PTPRN: variants seen among roughly 807,000 people sequenced by gnomAD.
The protein encoded by PTPRN is protein tyrosine phosphatase receptor type N.
In PTPRN, 70 loss-of-function variants were observed where a neutral mutation model predicts 108.5. That is an observed-to-expected ratio of 0.65 (90% CI 0.53 to 0.79). PTPRN has a LOEUF of 0.79. Ranked by LOEUF, PTPRN falls within the 30% of genes least tolerant of loss-of-function variation. The probability of loss-of-function intolerance (pLI) is 0.00; values close to 1 mark genes in which losing one functional copy is unlikely to be tolerated. For missense variants in PTPRN, 1,136 were observed against 1,295.5 expected (o/e 0.88, Z 1.89); for synonymous variants, 496 against 524.6 (o/e 0.95, Z 0.75).
Position 219,297,781 on chromosome 2 carries a change from T to A in PTPRN, c.1887+104A>T, listed in dbSNP as rs956886117. 40 of 1,335,980 alleles carry A rather than the reference T, an allele frequency of 3.0e-5. No homozygotes were observed. The African/African-American group carries it at 5.4e-4, about 18-fold the overall frequency. The allele number at this position is 1,335,980 out of a possible 1,614,324, so 82.8% of individuals were successfully genotyped here. A position where few individuals can be genotyped will look rare whatever the true frequency, so the allele number is the denominator to read the frequency against. On this transcript the variant is annotated intron_variant, in intron 13 of 22. Coordinates refer to ENST00000295718, the MANE Select transcript of PTPRN (RefSeq NM_002846.4). The surrounding 1 kb of genome is among the most constrained non-coding windows in gnomAD (Gnocchi z 6.0). ...AGCCTCCACTGGACCTTCCCAGGGA[T>A]GAGGGCTCACTCCCCATTCAGTTCC...
At chr2:219,305,135 C>T (rs1450367889) in intron 3 of PTPRN, among the ~76,000 whole-genome samples, 2 of 152,136 alleles carry the variant, frequency 1.3e-5, no homozygotes, top group Non-Finnish European at 2.9e-5. Context: ...TACACTTTCT[C>T]CTGGCTTCTG....
intron 3 of PTPRN, among the ~76,000 whole-genome samples, chr2:219,306,018 C>T (rs977348241): frequency 2.6e-5 from 4 of 152,050 alleles, no homozygotes; most frequent in Admixed American, 1.3e-4. Context: ...GGCATGGTGG[C>T]GCGCACATGT....
rs191243830 is a variant in PTPRN at position 219,299,418 on chromosome 2, A to T, written c.1524-34T>A. 3.7e-4 allele frequency: 591 copies of T among 1,601,944 alleles called. 3 individuals carry two copies. In the East Asian group the frequency reaches 8.3e-3, roughly 22 times the overall value. On this transcript the variant is annotated intron_variant, in intron 10 of 22. Coordinates refer to ENST00000295718, the MANE Select transcript of PTPRN (RefSeq NM_002846.4). ...TAGGAGCTATGTTACTGCCTTCTCCACCCCAGACCGCAGACTTCAAAAAAG... is the reference window on the plus strand; with the variant it reads ...TAGGAGCTATGTTACTGCCTTCTCCTCCCCAGACCGCAGACTTCAAAAAAG...
At position 219,299,119 on chromosome 2, in the gene PTPRN, G is replaced by A; in HGVS notation, c.1604-8C>T. 5.6e-6 allele frequency: 9 copies of A among 1,614,248 alleles called. No homozygotes were observed. Among genetic ancestry groups the A allele is most frequent in the Non-Finnish European group, 6.8e-6 (8 of 1,180,042 alleles). ...GTTCAGACTTCACCAGCCCTGCAGG[G>A]AGGACAAAGGTCAGGCTTGCTCCAG... is the stretch of plus-strand genomic sequence containing the variant. On this transcript the variant is annotated splice_region_variant and splice_polypyrimidine_tract_variant and intron_variant, in intron 11 of 22. Transcript: ENST00000295718.
rs934954995 is a variant in PTPRN, at chr2:219,302,683, C to T, written c.532G>A (p.Ala178Thr). 6.2e-7 allele frequency: 1 copy of T among 1,613,144 alleles called. No homozygotes were observed. Among genetic ancestry groups the T allele is most frequent in the Non-Finnish European group, 8.5e-7 (1 of 1,179,824 alleles). ...TCCAAGAGAGGCGGGAGCAGCTCAGCCTGCAGAGGGGACAGAGAGGAGCTG... is the reference window on the plus strand; with the variant it reads ...TCCAAGAGAGGCGGGAGCAGCTCAGTCTGCAGAGGGGACAGAGAGGAGCTG... ...GASSSLSPLQ[A>T]ELLPPLLEHL... Residue 178 changes from alanine to threonine, a missense_variant, in exon 5 of 23, where the codon GCT (alanine) becomes ACT (threonine). Ala to Thr is a moderately conservative substitution (Grantham distance 58, BLOSUM62 0). Coordinates refer to ENST00000295718, the MANE Select transcript of PTPRN (RefSeq NM_002846.4).
chr2:219,307,353 G>C (rs979372982), intron 3 of PTPRN, 91 bp downstream of exon 3: 1 of 1,086,936 alleles, frequency 9.2e-7, no homozygotes, highest in African/African-American at 1.6e-5. Flanking sequence ...AGCAGTGGGG[G>C]TGATAGGAAT....
In PTPRN at chr2:219,299,356, T is replaced by C; in HGVS notation, c.1552A>G (p.Ile518Val). The C allele has an allele frequency of 6.2e-7, 1 of 1,614,262 alleles. No homozygotes were observed. The highest frequency in any genetic ancestry group is 8.5e-7 in the Non-Finnish European group (1 of 1,180,036). Reference protein sequence around the residue: ...SVVGPALTFRIRHNEQNLSLA... With the variant: ...SVVGPALTFRVRHNEQNLSLA... Reference sequence around the variant, plus strand: ...GACAGGTTCTGCTCATTGTGCCGGATGCGGAAGGTGAGGGCTGGTCCCACC... The same window carrying C: ...GACAGGTTCTGCTCATTGTGCCGGACGCGGAAGGTGAGGGCTGGTCCCACC... Residue 518 changes from isoleucine to valine, a missense_variant, in exon 11 of 23, where the codon ATC (isoleucine) becomes GTC (valine). Ile to Val is a conservative substitution (Grantham distance 29, BLOSUM62 3). Transcript: ENST00000295718.
At chr2:219,295,238 G>A (rs1574914616) in intron 18 of PTPRN, 97 bp from the exon 19 acceptor site, 7 of 1,383,070 alleles carry the variant, frequency 5.1e-6, no homozygotes, top group East Asian at 5.1e-5. Flanking sequence ...TCCAACCACC[G>A]CCCGGCCTCC....
chr2:219,295,975 G>GACAC (rs58673887), intron 18 of PTPRN: 5,994 of 422,856 alleles, frequency 0.014, 94 homozygotes, highest in African/African-American at 0.058. Flanking sequence ...CTCTAGACAG[G>GACAC]ACACACACAC....
rs1158207904 is a variant in PTPRN, at chr2:219,301,579, G to A, written c.1126+9C>T. 20 of 1,602,612 alleles carry A rather than the reference G, an allele frequency of 1.2e-5. No homozygotes were observed. The highest frequency in any genetic ancestry group is 1.6e-5 in the Non-Finnish European group (19 of 1,170,616). On this transcript the variant is annotated intron_variant, in intron 7 of 22. Transcript: ENST00000295718. ...AGATATTGGTCCCTCCCTCTGCCTGGACACTTACCCGGATTTCTTCCTGCA... is the reference window on the plus strand; with the variant it reads ...AGATATTGGTCCCTCCCTCTGCCTGAACACTTACCCGGATTTCTTCCTGCA...
chr2:219,291,649 T>C, intron 19 of PTPRN, 126 bp from the exon 20 acceptor site: 1 of 1,017,214 alleles, frequency 9.8e-7, no homozygotes, highest in Non-Finnish European at 1.5e-6. Flanking sequence ...AGAGGGAAGA[T>C]GGTTGGAGAA....
At position 219,291,592 on chromosome 2, in the gene PTPRN, G is replaced by C. The variant is rs1952056043; in HGVS notation, c.2676-69C>G. On this transcript the variant is annotated intron_variant, in intron 19 of 22. Coordinates refer to ENST00000295718, the MANE Select transcript of PTPRN (RefSeq NM_002846.4). The stretch of plus-strand genomic sequence containing the variant: ...GAGGGAAAGGGAAGCTGAAACACAT[G>C]ACGTGGGCCTCTCTTTCTTCCTTTT... The C allele has an allele frequency of 4.8e-6, 7 of 1,455,842 alleles. No homozygotes were observed. The South Asian group carries it at 6.9e-5, about 14-fold the overall frequency. 90.2% of individuals were successfully genotyped at this position (1,455,842 alleles called of 1,614,324 possible).
rs773769872 is a variant in PTPRN, at chr2:219,302,838, C to G, written c.378-1G>C. 1.2e-6 allele frequency: 2 copies of G among 1,608,720 alleles called. No individual in the cohort carries two copies. The highest frequency in any genetic ancestry group is 1.7e-5 in the Admixed American group (1 of 57,558). ...AGGTCTCTTGGGTGCCAAGCCAGAC[C>G]TGTAGAGGAAAGCAAAGTGTGTGTG... On this transcript the variant is annotated splice_acceptor_variant, in intron 4 of 22. Coordinates refer to ENST00000295718, the MANE Select transcript of PTPRN (RefSeq NM_002846.4). LOFTEE classifies it high-confidence loss of function.
Position 219,289,898 on chromosome 2 carries a change from A to C in PTPRN, c.*328T>G. On this transcript the variant is annotated 3_prime_UTR_variant, in exon 23 of 23. Transcript: ENST00000295718. ...GGGGACACACACAGATGTTCAGGGA[A>C]CTCCCAGAACCCCAGGAGAGCTACA... The C allele has an allele frequency of 3.3e-6, 1 of 306,144 alleles. No individual in the cohort carries two copies. The highest frequency in any genetic ancestry group is 4.2e-5 in the South Asian group (1 of 23,862). The allele number at this position is 306,144 out of a possible 1,614,324, so 19.0% of individuals were successfully genotyped here.
At chr2:219,300,806 G>A (rs1469911291) in intron 8 of PTPRN, 137 bp downstream of exon 8, 7 of 904,158 alleles carry the variant, frequency 7.7e-6, no homozygotes, top group Middle Eastern at 2.5e-4. Context: ...AATAACTTGC[G>A]GTCTCTGGGC....
intron 1 of PTPRN, 119 bp from the exon 2 acceptor site, chr2:219,307,961 C>A: frequency 1.0e-6 from 1 of 988,984 alleles, no homozygotes; most frequent in East Asian, 2.4e-5. Context: ...TAAAGAAGGC[C>A]TTAAGCTGGG....
chr2:219,301,166 C>A (rs532701455), intron 7 of PTPRN, among the ~76,000 whole-genome samples, 189 bp from the exon 8 acceptor site: 1 of 152,258 alleles, frequency 6.6e-6, no homozygotes, highest in Admixed American at 6.5e-5. Flanking sequence ...TTCCTCCTCC[C>A]AATTTACTGT....
In PTPRN at chr2:219,303,756, G is replaced by T. The variant is rs770552842; in HGVS notation, c.356C>A (p.Pro119Gln). ...CTACCTGTCCCTTGGACGGGGCTCT[G>T]GGGGGCGAAGCCTGGGGATGCGCTC... ...EMERIPRLRP[P>Q]EPRPRDRSGL... The change falls in exon 4 of 23, where the codon CCA (proline) becomes CAA (glutamine). Residue 119 changes from proline (P) to glutamine (Q), a missense_variant. By Grantham distance (76) the Pro-to-Gln change is moderately conservative (BLOSUM62 -1). Coordinates refer to ENST00000295718, the MANE Select transcript of PTPRN (RefSeq NM_002846.4). 2 of 1,613,878 alleles carry T rather than the reference G, an allele frequency of 1.2e-6. No individual in the cohort carries two copies. Among genetic ancestry groups the T allele is most frequent in the South Asian group, 1.1e-5 (1 of 91,076 alleles).
rs765964509 is a variant in PTPRN, at chr2:219,290,854, G to A, written c.2766C>T (p.Ile922=). ...GAGRTGTYIL[I]DMVLNRMAKG... ...TTGCCATGCGGTTCAGGACCATGTCGATGAGGATGTAGGTGCCGGTCCTCC... is the reference window on the plus strand; with the variant it reads ...TTGCCATGCGGTTCAGGACCATGTCAATGAGGATGTAGGTGCCGGTCCTCC... Residue 922 remains isoleucine (I), a synonymous_variant, in exon 21 of 23, where the codon ATC becomes ATT. Transcript: ENST00000295718. The surrounding 1 kb of genome is among the most constrained non-coding windows in gnomAD (Gnocchi z 4.2). 9 of 1,614,164 alleles carry A rather than the reference G, an allele frequency of 5.6e-6. No homozygotes were observed. Among genetic ancestry groups the A allele is most frequent in the South Asian group, 2.2e-5 (2 of 91,082 alleles).
Sources: allele counts gnomAD v4.1 joint callset (sites outside exome capture counted in the v4.1 genomes callset), GRCh38; gene constraint gnomAD v4.1.1; non-coding constraint Gnocchi (gnomAD v3.1); transcripts MANE v1.5; gene names NCBI Gene and HGNC (gene_info 2026-07-23, HGNC 2026-07-21).